Variants in ANK3 observed in about 807,000 individuals in gnomAD.
ANK3 encodes the protein ankyrin-3.
Under a neutral mutation model 370.9 loss-of-function variants are expected in ANK3, and 57 were observed. The observed-to-expected ratio is 0.15, with a 90% CI of 0.12 to 0.19. ANK3 has a LOEUF of 0.19. ANK3 is among the 10% of genes least tolerant of loss of function. The pLI is 1.00. For missense variants in ANK3, 4,439 were observed against 5,302.1 expected, an observed-to-expected ratio of 0.84 and a Z score of 5.06; for synonymous variants, 1,929 against 1,946.3, an observed-to-expected ratio of 0.99 and a Z score of 0.23.
chr10:60,072,901 G>C lies in ANK3; in HGVS notation c.7980C>G (p.Pro2660=), dbSNP rs1564795708. The C allele has an allele frequency of 1.9e-6, 3 of 1,613,906 alleles. No individual in the cohort carries two copies. The highest frequency in any genetic ancestry group is 8.5e-7 in the Non-Finnish European group (1 of 1,179,998). ...GACTGGGTGCCTTCTCCTCGGCCTTGGGGAAGCCTTGTCCATCAGGGCCAT... is the reference window on the plus strand; with the variant it reads ...GACTGGGTGCCTTCTCCTCGGCCTTCGGGAAGCCTTGTCCATCAGGGCCAT... ...RQHGPDGQGF[P]KAEEKAPSLP... Residue 2660 remains proline (P), a synonymous_variant, in exon 37 of 44, where the codon CCC becomes CCG. Coordinates refer to ENST00000280772, the MANE Select transcript of ANK3 (RefSeq NM_020987.5).
intron 2 of ANK3, among the ~76,000 whole-genome samples, chr10:60,408,528 C>T (rs759521218): frequency 7.9e-5 from 12 of 152,132 alleles, no homozygotes; most frequent in Non-Finnish European, 1.3e-4. Flanking sequence ...TCCTGTACAG[C>T]TTGCAGAACA....
At chr10:60,535,729 A>G (rs1368332147) in intron 2 of ANK3, among the ~76,000 whole-genome samples, 2 of 152,042 alleles carry the variant, frequency 1.3e-5, no homozygotes, top group Non-Finnish European at 2.9e-5. Context: ...AATCTTATTC[A>G]TTGCACATTA....
chr10:60,310,771 A>AT (rs1362228535), intron 1 of ANK3, among the ~76,000 whole-genome samples: 25 of 152,124 alleles, frequency 1.6e-4, no homozygotes, highest in Admixed American at 9.2e-4. Context: ...TACTGAAATA[A>AT]TTTTTTTCCC....
rs141421018 is a variant in ANK3 at position 60,353,704 on chromosome 10, C to G, written c.114+35721G>C. ...TTGCTTGTTCTGGGGAAAGGGGAAA[C>G]CAGGAACATTCAGTAACCACTAAAG... On this transcript the variant is annotated intron_variant, in intron 1 of 43. Coordinates refer to ENST00000280772, the MANE Select transcript of ANK3 (RefSeq NM_020987.5). Among the ~76,000 whole-genome samples, 473 of 152,252 alleles carry G rather than the reference C, an allele frequency of 3.1e-3. 2 individuals carry two copies. The highest frequency in any genetic ancestry group is 5.4e-3 in the Non-Finnish European group (364 of 68,022).
intron 33 of ANK3, among the ~76,000 whole-genome samples, chr10:60,083,128 T>C (rs1053291760): frequency 6.6e-6 from 1 of 152,156 alleles, no homozygotes; most frequent in Admixed American, 6.5e-5. Context: ...CTCTAGAACG[T>C]CCCTGGGCTC....
intron 7 of ANK3, among the ~76,000 whole-genome samples, chr10:60,251,331 T>C (rs1046718570): frequency 2.0e-5 from 3 of 152,130 alleles, no homozygotes; most frequent in Non-Finnish European, 2.9e-5. Flanking sequence ...AGACCAACCA[T>C]GGATTTCTGG....
chr10:60,202,155 C>G (rs10994251), intron 12 of ANK3, among the ~76,000 whole-genome samples: 17,963 of 152,028 alleles, frequency 0.12, 1,302 homozygotes, highest in East Asian at 0.29. Context: ...GAGTTTCACT[C>G]TTATTGGCCA....
rs2132702908 is a variant in ANK3, at chr10:60,278,683, A to G, written c.414+91T>C. 4 of 993,852 alleles carry G rather than the reference A, an allele frequency of 4.0e-6. No individual in the cohort carries two copies. In the African/African-American group the frequency reaches 6.4e-5, roughly 16 times the overall value. The allele number at this position is 993,852 out of a possible 1,614,324, so 61.6% of individuals were successfully genotyped here. On this transcript the variant is annotated intron_variant, in intron 4 of 43. Transcript: ENST00000280772. ...TATAGTTCTTAAGTATTCTGTTCTT[A>G]GAGGATATGTGAACTAAGCAAGCAC...
At chr10:60,426,555 A>C (rs536137167) in intron 2 of ANK3, among the ~76,000 whole-genome samples, 1 of 152,204 alleles carries the variant, frequency 6.6e-6, no homozygotes, top group Non-Finnish European at 1.5e-5. Context: ...CTTTGCTCAA[A>C]GTTTTGTTGA....
intron 1 of ANK3, among the ~76,000 whole-genome samples, chr10:60,383,807 C>A (rs987973540): frequency 6.6e-6 from 1 of 152,150 alleles, no homozygotes. Context: ...TCTTGCCTGG[C>A]ATCTTAGGGT....
At chr10:60,455,682 G>A (rs1017474634) in intron 2 of ANK3, among the ~76,000 whole-genome samples, 14 of 152,014 alleles carry the variant, frequency 9.2e-5, no homozygotes, top group East Asian at 3.9e-4. Context: ...CTGTCTCATC[G>A]TTGTATATAT....
intron 2 of ANK3, among the ~76,000 whole-genome samples, chr10:60,609,332 T>C (rs977015028): frequency 2.0e-5 from 3 of 152,162 alleles, no homozygotes; most frequent in African/African-American, 7.2e-5. Flanking sequence ...ATTACTAGGC[T>C]ATACTGCCCT....
intron 2 of ANK3, among the ~76,000 whole-genome samples, chr10:60,500,550 A>C (rs2075770695): frequency 6.6e-6 from 1 of 152,170 alleles, no homozygotes; most frequent in African/African-American, 2.4e-5. Flanking sequence ...AAGTGCAGAT[A>C]CTCTAAAATA....
At chr10:60,283,951 G>A (rs532937335) in intron 1 of ANK3, among the ~76,000 whole-genome samples, 2 of 152,190 alleles carry the variant, frequency 1.3e-5, no homozygotes, top group East Asian at 3.9e-4. Context: ...ATTAAGTAAT[G>A]TAGTGGGTTG....
chr10:60,469,071 A>ATATATATATATATATACCACTTTTAG, intron 2 of ANK3, among the ~76,000 whole-genome samples: 2 of 3,410 alleles, frequency 5.9e-4, no homozygotes, highest in East Asian at 0.018. Context: ...TTTAGTATAT[A>ATATATATATATATATACCACTTTTAG]TATATATATA....
intron 42 of ANK3, chr10:60,044,596 T>C (rs931101681): frequency 2.0e-5 from 3 of 152,478 alleles, no homozygotes; most frequent in African/African-American, 7.3e-5. Context: ...AATTTGAAAA[T>C]ACATAATTAT....
chr10:60,446,795 G>A (rs193259352), intron 2 of ANK3, among the ~76,000 whole-genome samples: 109 of 152,140 alleles, frequency 7.2e-4, no homozygotes, highest in Admixed American at 6.9e-3. Context: ...AAGACAAATG[G>A]TCTCACCCAA....
At chr10:60,467,847 G>C (rs2065044477) in intron 2 of ANK3, among the ~76,000 whole-genome samples, 1 of 152,084 alleles carries the variant, frequency 6.6e-6, no homozygotes, top group Admixed American at 6.6e-5. Context: ...GAATACATAA[G>C]TTGGAGAAAC....
chr10:60,427,068 G>T (rs538337380), intron 2 of ANK3, among the ~76,000 whole-genome samples: 1 of 152,262 alleles, frequency 6.6e-6, no homozygotes, highest in South Asian at 2.1e-4. Flanking sequence ...GATAAAGAAG[G>T]TGTTATCACA....
Sources: gnomAD v4.1 joint callset for allele counts (sites outside exome capture counted in the v4.1 genomes callset) on GRCh38, gnomAD v4.1.1 for gene constraint, MANE v1.5 for transcripts, NCBI Gene and HGNC (gene_info 2026-07-23, HGNC 2026-07-21) for gene names.